The following HP variants were observed in gnomAD, a reference collection of about 807,000 sequenced individuals.
HP encodes the protein haptoglobin alpha(1S)-beta.
Under a neutral mutation model 23.2 loss-of-function variants are expected in HP, and 9 were observed. The observed-to-expected ratio is 0.39, with a 90% CI of 0.23 to 0.68. HP has a LOEUF of 0.68. Ranked by LOEUF, HP falls within the 30% of genes least tolerant of loss-of-function variation. The pLI is 0.47. For missense variants in HP, 433 were observed against 483.6 expected (o/e 0.90, Z 0.98); for synonymous variants, 155 against 183.3 (o/e 0.85, Z 1.25).
chr16:72,059,330 T>G (rs2041503543), intron 6 of HP, 142 bp downstream of exon 6: 3 of 1,213,736 alleles, frequency 2.5e-6, no homozygotes, highest in Non-Finnish European at 3.5e-6. Flanking sequence ...AGGGAGAGAC[T>G]TAAGCAGTTA....
chr16:72,060,728 C>T lies in HP; in HGVS notation c.1059C>T (p.Gly353=), dbSNP rs189688321. The change falls in exon 7 of 7, where the codon GGC becomes GGT. Residue 353 remains glycine (G), a synonymous_variant. Coordinates refer to ENST00000355906, the MANE Select transcript of HP (RefSeq NM_005143.5). ...AGTACCAAGAAGACACCTGCTATGG[C>T]GATGCGGGCAGTGCCTTTGCCGTTC... ...MSKYQEDTCY[G]DAGSAFAVHD... is the part of the protein sequence containing the mutation. 1.1e-4 allele frequency: 184 copies of T among 1,614,144 alleles called. No homozygotes were observed. Among genetic ancestry groups the T allele is most frequent in the African/African-American group, 3.5e-4 (26 of 75,048 alleles).
At chr16:72,054,880 T>C (rs1467225231) in intron 1 of HP, 3 of 903,306 alleles carry the variant, frequency 3.3e-6, no homozygotes, top group East Asian at 2.7e-5. Context: ...GGAGTGTCTT[T>C]TTCCTTCAGG....
Position 72,060,757 on chromosome 16 carries a change from A to C in HP, c.1088A>C (p.Asp363Ala), listed in dbSNP as rs2041533209. The C allele has an allele frequency of 6.2e-7, 1 of 1,613,992 alleles. No individual in the cohort carries two copies. Residue 363 changes from aspartate to alanine, a missense_variant, in exon 7 of 7, where the codon GAC becomes GCC. Physicochemically the swap from Asp to Ala is moderately radical, Grantham distance 126 (BLOSUM62 -2). Around this residue, in one of 3 missense-constraint regions of HP, gnomAD observed 326 missense variants for 358.1 expected, o/e 0.91. Coordinates refer to ENST00000355906, the MANE Select transcript of HP (RefSeq NM_005143.5). ...GCGGGCAGTGCCTTTGCCGTTCACG[A>C]CCTGGAGGAGGACACCTGGTATGCG... is the stretch of plus-strand genomic sequence containing the variant. Reference protein sequence around the residue: ...GDAGSAFAVHDLEEDTWYATG... With the variant: ...GDAGSAFAVHALEEDTWYATG...
In HP at chr16:72,056,258, G is replaced by A. The variant is rs766418779; in HGVS notation, c.88+15G>A. On this transcript the variant is annotated intron_variant, in intron 2 of 6. Transcript: ENST00000355906. ...GGATATCGCAGGTCAGTCTTTGGTT[G>A]GGTAGGAGTGTGCATCCCACTCTGA... 2 of 1,612,354 alleles carry A rather than the reference G, an allele frequency of 1.2e-6. No homozygotes were observed. Among genetic ancestry groups the A allele is most frequent in the South Asian group, 2.2e-5 (2 of 91,044 alleles).
chr16:72,059,965 G>T (rs2041514964), intron 6 of HP, 147 bp from the exon 7 acceptor site: 5 of 1,456,442 alleles, frequency 3.4e-6, no homozygotes, highest in Non-Finnish European at 4.6e-6. Context: ...TGCAACTATT[G>T]GAAATGAGAT....
chr16:72,056,417 A>G (rs2041463783), intron 2 of HP, 113 bp from the exon 3 acceptor site: 2 of 1,574,576 alleles, frequency 1.3e-6, no homozygotes, highest in Non-Finnish European at 1.7e-6. Context: ...ATTGGCTTCT[A>G]TTCGGGGTGG....
chr16:72,056,590 A>G lies in HP; in HGVS notation c.149A>G (p.Tyr50Cys). The G allele has an allele frequency of 7.2e-7, 1 of 1,391,862 alleles. No individual in the cohort carries two copies. The highest frequency in any genetic ancestry group is 9.8e-7 in the Non-Finnish European group (1 of 1,018,152). The allele number at this position is 1,391,862 out of a possible 1,614,324, so 86.2% of individuals were successfully genotyped here. Reference sequence around the variant, plus strand: ...GGCTATGTGGAGCACTCGGTTCGCTACCAGTGTAAGAACTACTACAAACTG... The same window carrying G: ...GGCTATGTGGAGCACTCGGTTCGCTGCCAGTGTAAGAACTACTACAAACTG... ...AHGYVEHSVR[Y>C]QCKNYYKLRT... The change falls in exon 3 of 7, where the codon TAC (tyrosine) becomes TGC (cysteine). Residue 50 changes from tyrosine (Y) to cysteine (C), a missense_variant. Tyr to Cys is a radical substitution (Grantham distance 194, BLOSUM62 -2). Around this residue, in one of 3 missense-constraint regions of HP, gnomAD observed 36 missense variants for 71.3 expected, o/e 0.50. Coordinates refer to ENST00000355906, the MANE Select transcript of HP (RefSeq NM_005143.5).
chr16:72,054,538 G>C lies in HP; in HGVS notation c.-115G>C. The C allele has an allele frequency of 1.3e-6, 2 of 1,574,838 alleles. No individual in the cohort carries two copies. The highest frequency in any genetic ancestry group is 1.7e-6 in the Non-Finnish European group (2 of 1,158,474). ...AGATAGTGACCTTACCAGGGCCAAA[G>C]TTTGTAGACACAGGAATTACGAAAT... On this transcript the variant is annotated 5_prime_UTR_variant, in exon 1 of 7. Transcript: ENST00000355906.
At chr16:72,060,019 G>A (rs920109094) in intron 6 of HP, 93 bp from the exon 7 acceptor site, 31 of 1,579,108 alleles carry the variant, frequency 2.0e-5, no homozygotes, top group African/African-American at 2.7e-5. Context: ...TCTACTTTAC[G>A]CAGCAGTGAC....
intron 6 of HP, 88 bp downstream of exon 6, chr16:72,059,276 A>T: frequency 6.6e-7 from 1 of 1,508,012 alleles, no homozygotes; most frequent in Non-Finnish European, 9.1e-7. Flanking sequence ...TCCTCTGAGC[A>T]CACAAGAGCC....
rs2144037822 is a variant in HP, at chr16:72,054,730, G to T, written c.5+73G>T. 3.7e-6 allele frequency: 6 copies of T among 1,610,048 alleles called. No homozygotes were observed. In the South Asian group the frequency reaches 4.4e-5, roughly 12 times the overall value. On this transcript the variant is annotated intron_variant, in intron 1 of 6. Transcript: ENST00000355906. ...AGTCTTTTTTGCATACATCGGTAGAGATGCAGAAATAGAACAAAGAAACGG... is the reference window on the plus strand; with the variant it reads ...AGTCTTTTTTGCATACATCGGTAGATATGCAGAAATAGAACAAAGAAACGG...
In HP at chr16:72,060,710, A is replaced by C. The variant is rs754752258; in HGVS notation, c.1041A>C (p.Gln347His). ...HTFCAGMSKYQEDTCYGDAGS... is the reference protein window; with the variant it reads ...HTFCAGMSKYHEDTCYGDAGS... ...TCTGTGCTGGCATGTCTAAGTACCA[A>C]GAAGACACCTGCTATGGCGATGCGG... Residue 347 changes from glutamine (Q) to histidine (H), a missense_variant, in exon 7 of 7, where the codon CAA becomes CAC. Transcript: ENST00000355906. 1.1e-5 allele frequency: 18 copies of C among 1,613,966 alleles called. No individual in the cohort carries two copies. In the African/African-American group the frequency reaches 2.0e-4, roughly 18 times the overall value.
intron 1 of HP, chr16:72,055,957 A>G (rs1369333656): frequency 4.5e-6 from 4 of 882,948 alleles, no homozygotes; most frequent in East Asian, 3.1e-5. Context: ...AGAAGCTGCT[A>G]AAGTGTGTAT....
intron 2 of HP, 57 bp downstream of exon 2, chr16:72,056,300 C>T: frequency 1.9e-6 from 3 of 1,579,474 alleles, no homozygotes; most frequent in Non-Finnish European, 2.6e-6. Flanking sequence ...CGGGTCTGCA[C>T]TCTCTCTGAG....
At chr16:72,055,835 G>C in intron 1 of HP, 6 of 383,732 alleles carry the variant, frequency 1.6e-5, no homozygotes, top group South Asian at 1.3e-4. Context: ...GTACTTTCCT[G>C]AATGCAGCCA....
In HP at chr16:72,060,445, A is replaced by C; in HGVS notation, c.776A>C (p.Asn259Thr). The C allele has an allele frequency of 6.2e-7, 1 of 1,614,192 alleles. No homozygotes were observed. The highest frequency in any genetic ancestry group is 1.7e-5 in the Admixed American group (1 of 60,028). ...AAACTCAAACAGAAGGTGTCTGTTAATGAGAGAGTGATGCCCATCTGCCTA... is the reference window on the plus strand; with the variant it reads ...AAACTCAAACAGAAGGTGTCTGTTACTGAGAGAGTGATGCCCATCTGCCTA... ...LIKLKQKVSV[N>T]ERVMPICLPS... Residue 259 changes from asparagine to threonine, a missense_variant, in exon 7 of 7, where the codon AAT (asparagine) becomes ACT (threonine). Coordinates refer to ENST00000355906, the MANE Select transcript of HP (RefSeq NM_005143.5).
At chr16:72,057,635 T>C (rs1332581051) in intron 4 of HP, 169 bp downstream of exon 4, 1 of 783,602 alleles carries the variant, frequency 1.3e-6, no homozygotes, top group Non-Finnish European at 2.0e-6. Context: ...AGGTGATGAC[T>C]CCCTAAGGGT....
At chr16:72,056,304 C>A in intron 2 of HP, 61 bp downstream of exon 2, 2 of 1,576,906 alleles carry the variant, frequency 1.3e-6, no homozygotes, top group Non-Finnish European at 1.7e-6. Context: ...TCTGCACTCT[C>A]TCTGAGAACA....
chr16:72,056,050 T>G (rs772963294), intron 1 of HP, 111 bp from the exon 2 acceptor site: 1 of 1,480,618 alleles, frequency 6.8e-7, no homozygotes, highest in East Asian at 2.3e-5. Flanking sequence ...GAGGAGTGTG[T>G]GTGTATGCAT....
Sources: allele counts gnomAD v4.1 joint callset, GRCh38; gene constraint gnomAD v4.1.1; regional missense constraint gnomAD v4.1.1; transcripts MANE v1.5; gene names NCBI Gene and HGNC (gene_info 2026-07-23, HGNC 2026-07-21).